AIPL1: variants seen among roughly 807,000 people sequenced by gnomAD.
AIPL1 encodes aryl-hydrocarbon-interacting protein-like 1.
AIPL1 carries 23 observed loss-of-function variants against 32.9 expected under a neutral mutation model. The observed-to-expected ratio is 0.70, with a 90% CI of 0.50 to 0.99. AIPL1 has a LOEUF of 0.99. Ranked by LOEUF, AIPL1 falls within the 50% of genes least tolerant of loss-of-function variation. The probability of loss-of-function intolerance (pLI) is 0.00; values close to 1 mark genes in which losing one functional copy is unlikely to be tolerated. For missense variants in AIPL1, 485 were observed against 506.0 expected (o/e 0.96, Z 0.40); for synonymous variants, 210 against 209.4 (o/e 1.00, Z -0.02).
chr17:6,431,457 GA>G lies in AIPL1; in HGVS notation c.276+2461del, dbSNP rs577040505. On this transcript the variant is annotated intron_variant, in intron 2 of 5. Coordinates refer to ENST00000381129, the MANE Select transcript of AIPL1 (RefSeq NM_014336.5). ...GATGACAGAGTGAAACTCCATCTCA[GA>G]AAAAAAAAAAAATTCTAGCTCAAAA... Among the ~76,000 whole-genome samples the G allele has an allele frequency of 1.2e-3, 170 of 142,596 alleles. 1 individual carries two copies. The highest frequency in any genetic ancestry group is 2.4e-3 in the African/African-American group (93 of 39,070). 93.5% of individuals were successfully genotyped at this position (142,596 alleles called of 152,430 possible).
At chr17:6,427,088 G>A in intron 3 of AIPL1, 31 bp from the exon 4 acceptor site, 1 of 1,612,946 alleles carries the variant, frequency 6.2e-7, no homozygotes, top group South Asian at 1.1e-5. Context: ...CAGTGAGGCA[G>A]GGACCCCAGG....
intron 1 of AIPL1, 150 bp from the exon 2 acceptor site, chr17:6,434,248 C>T: frequency 1.1e-6 from 1 of 889,408 alleles, no homozygotes; most frequent in Non-Finnish European, 1.8e-6. Context: ...AGCACCTCCA[C>T]CCTGCCTGCA....
intron 2 of AIPL1, among the ~76,000 whole-genome samples, chr17:6,429,823 G>A (rs1567640381): frequency 2.3e-5 from 1 of 43,422 alleles, no homozygotes; most frequent in Non-Finnish European, 7.6e-5. Context: ...TAGGTAGGTA[G>A]GTAGATAGAT....
Position 6,434,118 on chromosome 17 carries a change from A to C in AIPL1, c.97-20T>G. On this transcript the variant is annotated intron_variant, in intron 1 of 5. Coordinates refer to ENST00000381129, the MANE Select transcript of AIPL1 (RefSeq NM_014336.5). ...GATCACCTAGTCACCGAGACGGTGC[A>C]CTCTGCTCTAGACACACTGTTCAAG... 6.2e-7 allele frequency: 1 copy of C among 1,609,634 alleles called. No individual in the cohort carries two copies.
In AIPL1 at chr17:6,433,914, C is replaced by G; in HGVS notation, c.276+5G>C. The G allele has an allele frequency of 6.3e-7, 1 of 1,597,444 alleles. No homozygotes were observed. The highest frequency in any genetic ancestry group is 8.5e-7 in the Non-Finnish European group (1 of 1,173,104). On this transcript the variant is annotated splice_donor_5th_base_variant and intron_variant, in intron 2 of 5. Coordinates refer to ENST00000381129, the MANE Select transcript of AIPL1 (RefSeq NM_014336.5). The stretch of plus-strand genomic sequence containing the variant: ...CCAGGAGACAGGCGCGCAGGGCCTA[C>G]TTACGATGGTGTCGCACCAGAACTC...
intron 3 of AIPL1, among the ~76,000 whole-genome samples, chr17:6,428,008 C>T (rs982989930): frequency 9.9e-5 from 15 of 152,196 alleles, no homozygotes; most frequent in Non-Finnish European, 1.8e-4. Flanking sequence ...TTAATAGAGA[C>T]GGGGTTTTAC....
intron 2 of AIPL1, among the ~76,000 whole-genome samples, chr17:6,433,586 A>ATCTC (rs149646818): frequency 0.23 from 14,858 of 65,084 alleles, 1,937 homozygotes; most frequent in Middle Eastern, 0.27. Flanking sequence ...GCGAGACCCT[A>ATCTC]TCTCTCTCTC....
chr17:6,430,467 A>C (rs981501102), intron 2 of AIPL1, among the ~76,000 whole-genome samples: 3 of 149,216 alleles, frequency 2.0e-5, no homozygotes, highest in Middle Eastern at 3.4e-3. Flanking sequence ...AAAAAAAAAA[A>C]AAAAAAAAAA....
In AIPL1 at chr17:6,428,273, T is replaced by C. The variant is rs77661689; in HGVS notation, c.465+45A>G. The stretch of plus-strand genomic sequence containing the variant: ...GTGCCCATGATGCCCGCTGTCCCTC[T>C]CCAGTGCTGGCACAGCCCTCCAGCC... On this transcript the variant is annotated intron_variant, in intron 3 of 5. Transcript: ENST00000381129. 0.012 allele frequency: 19,309 copies of C among 1,598,124 alleles called. 148 individuals are homozygous for C. The highest frequency in any genetic ancestry group is 0.027 in the Middle Eastern group (163 of 6,032).
Position 6,425,356 on chromosome 17 carries a change from A to T in AIPL1, c.*104T>A. 1.4e-6 allele frequency: 2 copies of T among 1,381,046 alleles called. No individual in the cohort carries two copies. The highest frequency in any genetic ancestry group is 1.9e-6 in the Non-Finnish European group (2 of 1,041,698). 85.5% of individuals were successfully genotyped at this position (1,381,046 alleles called of 1,614,324 possible). A position where few individuals can be genotyped will look rare whatever the true frequency, so the allele number is the denominator to read the frequency against. ...GGTGTGTCTGACTTTGATTTCAAAA[A>T]TTAATTTTAAATTTTAAAAAGTGAC... On this transcript the variant is annotated 3_prime_UTR_variant, in exon 6 of 6. Transcript: ENST00000381129.
intron 3 of AIPL1, among the ~76,000 whole-genome samples, chr17:6,428,054 A>G (rs1474886615): frequency 6.6e-6 from 1 of 150,448 alleles, no homozygotes; most frequent in Non-Finnish European, 1.5e-5. Context: ...TCCTGACCTC[A>G]GGTGATCCAA....
At chr17:6,431,790 C>T (rs1162234813) in intron 2 of AIPL1, among the ~76,000 whole-genome samples, 1 of 152,156 alleles carries the variant, frequency 6.6e-6, no homozygotes. Flanking sequence ...CTGTCAACAC[C>T]TAAACCCACC....
At chr17:6,433,417 C>A (rs1329620167) in intron 2 of AIPL1, among the ~76,000 whole-genome samples, 1 of 152,014 alleles carries the variant, frequency 6.6e-6, no homozygotes, top group African/African-American at 2.4e-5. Context: ...GCCAACGTGG[C>A]AAAACTCTGT....
intron 5 of AIPL1, chr17:6,426,412 T>C: frequency 4.2e-6 from 6 of 1,435,910 alleles, no homozygotes; most frequent in Non-Finnish European, 5.5e-6. Flanking sequence ...CAAACACACA[T>C]TAAAATAAAG....
In AIPL1 at chr17:6,434,061, T is replaced by G; in HGVS notation, c.134A>C (p.Glu45Ala). The change falls in exon 2 of 6, where the codon GAG (glutamate) becomes GCG (alanine). Residue 45 changes from glutamate (E) to alanine (A), a missense_variant. By Grantham distance (107) the Glu-to-Ala change is moderately radical. Coordinates refer to ENST00000381129, the MANE Select transcript of AIPL1 (RefSeq NM_014336.5). Reference sequence around the variant, plus strand: ...CCGACTGTCGTCAATGACTGTCCGCTCCTCATCACATTTCATGGTGCGGAA... The same window carrying G: ...CCGACTGTCGTCAATGACTGTCCGCGCCTCATCACATTTCATGGTGCGGAA... The part of the protein sequence containing the change: ...FHFRTMKCDE[E>A]RTVIDDSRQV... The G allele has an allele frequency of 1.2e-6, 2 of 1,613,984 alleles. No homozygotes were observed. Among genetic ancestry groups the G allele is most frequent in the Non-Finnish European group, 1.7e-6 (2 of 1,180,004 alleles).
chr17:6,431,671 C>T (rs954842258), intron 2 of AIPL1, among the ~76,000 whole-genome samples: 1 of 152,166 alleles, frequency 6.6e-6, no homozygotes, highest in Admixed American at 6.5e-5. Context: ...TTCAAATTGT[C>T]CCCAAAATGC....
chr17:6,427,264 C>G (rs1394363716), intron 3 of AIPL1, among the ~76,000 whole-genome samples: 4 of 152,254 alleles, frequency 2.6e-5, no homozygotes, highest in Non-Finnish European at 4.4e-5. Context: ...GCCCGTTCAT[C>G]AAGACACTTC....
chr17:6,434,853 T>A (rs372775076), intron 1 of AIPL1, 156 bp downstream of exon 1: 2 of 1,356,094 alleles, frequency 1.5e-6, no homozygotes, highest in Non-Finnish European at 2.0e-6. Context: ...GCCCCCTGAA[T>A]GGGTAAACGC....
At chr17:6,433,794 G>A (rs1398198180) in intron 2 of AIPL1, 125 bp downstream of exon 2, 2 of 1,223,296 alleles carry the variant, frequency 1.6e-6, no homozygotes, top group South Asian at 2.6e-5. Context: ...GAATAAGTTT[G>A]CAGGACTGGC....
Sources: allele counts gnomAD v4.1 joint callset (sites outside exome capture counted in the v4.1 genomes callset), GRCh38; gene constraint gnomAD v4.1.1; transcripts MANE v1.5; gene names NCBI Gene and HGNC (gene_info 2026-07-23, HGNC 2026-07-21).